Variants in DTD1 observed in about 807,000 individuals in gnomAD.
DTD1 encodes D-tyrosyl-tRNA deacylase 1 homolog.
DTD1 carries 13 observed loss-of-function variants against 25.6 expected under a neutral mutation model. The observed-to-expected ratio is 0.51, with a 90% CI of 0.33 to 0.81. DTD1 has a LOEUF of 0.81. DTD1 is among the 30% of genes least tolerant of loss of function. DTD1 has a pLI of 0.02. For synonymous variants in DTD1, 110 were observed against 103.6 expected (o/e 1.06, Z -0.37); for missense variants, 193 against 266.4 (o/e 0.72, Z 1.92).
At chr20:18,592,561 T>C (rs572702751) in intron 1 of DTD1, 7 of 152,030 alleles carry the variant, frequency 4.6e-5, no homozygotes, top group Non-Finnish European at 8.8e-5. Flanking sequence ...AGTAGTGGAA[T>C]TGCACCTGTG....
intron 4 of DTD1, among the ~76,000 whole-genome samples, chr20:18,651,933 C>G (rs1268497276): frequency 6.6e-6 from 1 of 152,190 alleles, no homozygotes; most frequent in Non-Finnish European, 1.5e-5. Context: ...TTAAAGTGGA[C>G]AGAATGCTTT....
At chr20:18,675,752 A>G (rs2060968294) in intron 4 of DTD1, 1 of 152,118 alleles carries the variant, frequency 6.6e-6, no homozygotes, top group Admixed American at 6.5e-5. Context: ...ATATATGTAA[A>G]TATACCTATG....
intron 4 of DTD1, among the ~76,000 whole-genome samples, chr20:18,694,087 T>C (rs1419958214): frequency 6.6e-6 from 1 of 152,134 alleles, no homozygotes; most frequent in Non-Finnish European, 1.5e-5. Flanking sequence ...TGAGCTTGTT[T>C]AGTCTGCAGA....
intron 4 of DTD1, among the ~76,000 whole-genome samples, chr20:18,697,282 A>G (rs191421600): frequency 5.2e-4 from 79 of 152,258 alleles, no homozygotes; most frequent in Non-Finnish European, 9.1e-4. Context: ...ATTGAATACA[A>G]TAAGAAAACC....
chr20:18,678,549 T>C (rs562331847), intron 4 of DTD1, among the ~76,000 whole-genome samples: 1 of 152,248 alleles, frequency 6.6e-6, no homozygotes, highest in Non-Finnish European at 1.5e-5. Flanking sequence ...ATTGTAACTG[T>C]GATCTATTCT....
chr20:18,737,976 C>G (rs2061262976), intron 4 of DTD1, among the ~76,000 whole-genome samples: 1 of 152,170 alleles, frequency 6.6e-6, no homozygotes, highest in African/African-American at 2.4e-5. Context: ...CTCGAAGCAC[C>G]CCCAGGTTCC....
chr20:18,719,269 GTT>G (rs1491208610), intron 4 of DTD1, among the ~76,000 whole-genome samples: 14 of 151,700 alleles, frequency 9.2e-5, no homozygotes, highest in African/African-American at 3.2e-4. Flanking sequence ...GTGTGTGTGT[GTT>G]TGTGTATCTT....
chr20:18,632,183 C>G, intron 4 of DTD1: 1 of 985,384 alleles, frequency 1.0e-6, no homozygotes, highest in Non-Finnish European at 1.2e-6. Flanking sequence ...AAAAAATCCT[C>G]AAGTAGGCAT....
At chr20:18,756,890 T>G (rs2061341712) in intron 5 of DTD1, among the ~76,000 whole-genome samples, 1 of 151,426 alleles carries the variant, frequency 6.6e-6, no homozygotes, top group East Asian at 1.9e-4. Context: ...TATTGATTCT[T>G]CCTACCCATG....
chr20:18,734,470 C>T (rs1031506496), intron 4 of DTD1, among the ~76,000 whole-genome samples: 2 of 152,208 alleles, frequency 1.3e-5, no homozygotes, highest in Non-Finnish European at 2.9e-5. Context: ...CATCTTGCTA[C>T]AAAGGGCAGT....
At chr20:18,738,284 A>G (rs1343033086) in intron 4 of DTD1, among the ~76,000 whole-genome samples, 1 of 152,174 alleles carries the variant, frequency 6.6e-6, no homozygotes, top group East Asian at 1.9e-4. Flanking sequence ...CAAAACCTTA[A>G]GCAAGTCACA....
chr20:18,599,774 G>T (rs967784816), intron 3 of DTD1, among the ~76,000 whole-genome samples: 2 of 152,116 alleles, frequency 1.3e-5, no homozygotes, highest in African/African-American at 4.8e-5. Flanking sequence ...ATATGATATG[G>T]AACATTTTTT....
chr20:18,741,092 A>C (rs764714553), intron 4 of DTD1, among the ~76,000 whole-genome samples: 13 of 152,224 alleles, frequency 8.5e-5, no homozygotes, highest in Non-Finnish European at 4.4e-5. Flanking sequence ...GTTTGTTACC[A>C]GGCCATGGCG....
intron 4 of DTD1, among the ~76,000 whole-genome samples, chr20:18,708,205 ATTT>A (rs372126404): frequency 1.1e-4 from 6 of 53,832 alleles, no homozygotes; most frequent in African/African-American, 3.0e-4. Context: ...TTATATATAT[ATTT>A]TATATATATA....
Position 18,624,762 on chromosome 20 carries a change from T to C in DTD1, c.371-3365T>C, listed in dbSNP as rs923574078. ...GAGATGTCTGAGCAAAGTTTGATAA[T>C]CAGGGAGCTCCTTGCCTTGGATCTC... On this transcript the variant is annotated intron_variant, in intron 3 of 5. Transcript: ENST00000377452. Among the ~76,000 whole-genome samples, 9 of 152,302 alleles carry C rather than the reference T, an allele frequency of 5.9e-5. No homozygotes were observed. In the South Asian group the frequency reaches 1.9e-3, roughly 32 times the overall value.
intron 4 of DTD1, among the ~76,000 whole-genome samples, chr20:18,683,919 T>C (rs535720452): frequency 6.6e-6 from 1 of 152,282 alleles, no homozygotes; most frequent in African/African-American, 2.4e-5. Context: ...CTCTTGTAAC[T>C]ATGGTTTTTT....
At chr20:18,715,395 T>C (rs2061175962) in intron 4 of DTD1, among the ~76,000 whole-genome samples, 1 of 152,132 alleles carries the variant, frequency 6.6e-6, no homozygotes, top group Admixed American at 6.5e-5. Flanking sequence ...CTTTGGATTG[T>C]GGCCCTTTGA....
At position 18,766,388 on chromosome 20, in the gene DTD1, A is replaced by G. The variant is rs1185505084; in HGVS notation, c.*3048A>G. The G allele has an allele frequency of 6.6e-6, 1 of 152,124 alleles. No homozygotes were observed. The highest frequency in any genetic ancestry group is 2.4e-5 in the African/African-American group (1 of 41,418). The allele number at this position is 152,124 out of a possible 1,614,324, so 9.4% of individuals were successfully genotyped here. A position where few individuals can be genotyped will look rare whatever the true frequency, so the allele number is the denominator to read the frequency against. On this transcript the variant is annotated 3_prime_UTR_variant, in exon 6 of 6. Coordinates refer to ENST00000377452, the MANE Select transcript of DTD1 (RefSeq NM_080820.6). ...AGGTCCTTTAAAAATAGAGTTAAAC[A>G]CCCTCATCTCAGAAGACATGGAATA...
chr20:18,591,196 C>T (rs192193063), intron 1 of DTD1, among the ~76,000 whole-genome samples: 7 of 152,114 alleles, frequency 4.6e-5, no homozygotes, highest in African/African-American at 1.7e-4. Context: ...CAAAACTGCT[C>T]CAAAATAAGA....
Sources: gnomAD v4.1 joint callset for allele counts (sites outside exome capture counted in the v4.1 genomes callset) on GRCh38, gnomAD v4.1.1 for gene constraint, MANE v1.5 for transcripts, NCBI Gene and HGNC (gene_info 2026-07-23, HGNC 2026-07-21) for gene names.